Variants in GRIK4 observed in about 807,000 individuals in gnomAD.
GRIK4 encodes glutamate receptor ionotropic, kainate 4.
GRIK4 carries 40 observed loss-of-function variants against 104.9 expected under a neutral mutation model. The ratio of observed to expected loss-of-function variants is 0.38; its 90% CI spans 0.30 to 0.50. GRIK4 has a LOEUF of 0.50. Ranked by LOEUF, GRIK4 falls within the 20% of genes least tolerant of loss-of-function variation. GRIK4 has a pLI of 0.93. For synonymous variants in GRIK4, 485 were observed against 524.9 expected, an observed-to-expected ratio of 0.92 and a Z score of 1.04; for missense variants, 1,047 against 1,308.1, an observed-to-expected ratio of 0.80 and a Z score of 3.08.
chr11:120,698,261 A>G (rs963653473), intron 3 of GRIK4, among the ~76,000 whole-genome samples: 3 of 152,254 alleles, frequency 2.0e-5, no homozygotes, highest in Non-Finnish European at 2.9e-5. Flanking sequence ...ATTAATTTCA[A>G]TGTTTAAATC....
chr11:120,907,930 A>G (rs1592067154), intron 13 of GRIK4, among the ~76,000 whole-genome samples: 1 of 152,270 alleles, frequency 6.6e-6, no homozygotes, highest in East Asian at 1.9e-4. Flanking sequence ...CACCATCCCC[A>G]GGTTTGAAGG....
chr11:120,678,461 T>C (rs1565290125), intron 3 of GRIK4, among the ~76,000 whole-genome samples: 1 of 152,132 alleles, frequency 6.6e-6, no homozygotes, highest in Non-Finnish European at 1.5e-5. Context: ...TGATTACTTA[T>C]GCGGCTAATA....
At chr11:120,866,281 C>T (rs1954407033) in intron 9 of GRIK4, among the ~76,000 whole-genome samples, 1 of 152,214 alleles carries the variant, frequency 6.6e-6, no homozygotes, top group Non-Finnish European at 1.5e-5. Flanking sequence ...ATGTTACTCT[C>T]ATGGAAGCGG....
chr11:120,554,571 T>C lies in GRIK4; in HGVS notation c.-159+42684T>C, dbSNP rs182528196. ...TTTTTTTCTTTTTCTTTTTCTTTTT[T>C]TTTTTGAGACAGGAGCTCGCCCTGT... On this transcript the variant is annotated intron_variant, in intron 1 of 20. Transcript: ENST00000527524. 5.0e-3 allele frequency among the ~76,000 whole-genome samples: 763 copies of C among 152,056 alleles called. 3 individuals carry two copies. The highest frequency in any genetic ancestry group is 7.4e-3 in the Non-Finnish European group (505 of 67,944).
intron 1 of GRIK4, among the ~76,000 whole-genome samples, chr11:120,613,899 CT>C (rs1690482923): frequency 6.6e-6 from 1 of 152,208 alleles, no homozygotes; most frequent in Non-Finnish European, 1.5e-5. Flanking sequence ...GCCAGCCCTA[CT>C]ATAGCCTAGA....
At chr11:120,878,706 A>G in intron 11 of GRIK4, among the ~76,000 whole-genome samples, 1 of 148,334 alleles carries the variant, frequency 6.7e-6, no homozygotes, top group Non-Finnish European at 1.5e-5. Flanking sequence ...ACTGTGCGTG[A>G]TGTATCAGGG....
In GRIK4 at chr11:120,511,836, G is replaced by T; in HGVS notation, c.-210G>T. 8.5e-6 allele frequency: 3 copies of T among 352,462 alleles called. 1 individual carries two copies. Among genetic ancestry groups the T allele is most frequent in the South Asian group, 5.7e-5 (3 of 52,758 alleles). The allele number at this position is 352,462 out of a possible 1,614,324, so 21.8% of individuals were successfully genotyped here. A position where few individuals can be genotyped will look rare whatever the true frequency, so the allele number is the denominator to read the frequency against. On this transcript the variant is annotated 5_prime_UTR_variant, in exon 1 of 21. Coordinates refer to ENST00000527524, the MANE Select transcript of GRIK4 (RefSeq NM_014619.5). ...ACGGCCAACAGCAGCCCCGCGGCCG[G>T]CCCGGCAGCGCCCGGCCCCCGGCTC...
At chr11:120,778,946 C>T (rs1952095353) in intron 3 of GRIK4, among the ~76,000 whole-genome samples, 1 of 152,198 alleles carries the variant, frequency 6.6e-6, no homozygotes, top group Admixed American at 6.5e-5. Flanking sequence ...TTCTCAGACT[C>T]ACGGCGGGGC....
chr11:120,764,923 G>A (rs373461716), intron 3 of GRIK4, among the ~76,000 whole-genome samples: 3 of 152,076 alleles, frequency 2.0e-5, no homozygotes, highest in South Asian at 2.1e-4. Context: ...TAAATCTGAC[G>A]ATTATGTGTC....
chr11:120,635,916 C>A (rs1949391337), intron 1 of GRIK4, among the ~76,000 whole-genome samples: 1 of 152,204 alleles, frequency 6.6e-6, no homozygotes, highest in Non-Finnish European at 1.5e-5. Flanking sequence ...ACTAGTTGCT[C>A]CTCTCAGACC....
At chr11:120,539,802 G>A (rs184850469) in intron 1 of GRIK4, among the ~76,000 whole-genome samples, 17 of 152,306 alleles carry the variant, frequency 1.1e-4, no homozygotes, top group Non-Finnish European at 2.4e-4. Flanking sequence ...TGGCTTAATG[G>A]AGCTCCTGGA....
intron 1 of GRIK4, among the ~76,000 whole-genome samples, chr11:120,521,785 T>A (rs1294864296): frequency 6.6e-6 from 1 of 152,206 alleles, no homozygotes. Context: ...AATCCTAGAA[T>A]CTTATTCTTG....
intron 3 of GRIK4, among the ~76,000 whole-genome samples, chr11:120,732,316 G>A (rs1051024910): frequency 2.0e-5 from 3 of 152,038 alleles, no homozygotes; most frequent in African/African-American, 7.2e-5. Flanking sequence ...ATATTTTTTA[G>A]TAGAGACGGG....
rs868069404 is a variant in GRIK4 at position 120,787,165 on chromosome 11, C to A, written c.83-15528C>A. On this transcript the variant is annotated intron_variant, in intron 3 of 20. Coordinates refer to ENST00000527524, the MANE Select transcript of GRIK4 (RefSeq NM_014619.5). ...GGACTCTTTTTTTTTTTAACAACAACAAAAAAAATACGAAAATTAGCCAGT... is the reference window on the plus strand; with the variant it reads ...GGACTCTTTTTTTTTTTAACAACAAAAAAAAAAATACGAAAATTAGCCAGT... 3.3e-5 allele frequency among the ~76,000 whole-genome samples: 5 copies of A among 149,710 alleles called. No individual in the cohort carries two copies. The South Asian group carries it at 6.4e-4, about 19-fold the overall frequency.
intron 3 of GRIK4, among the ~76,000 whole-genome samples, chr11:120,712,498 T>C (rs1461942198): frequency 6.6e-6 from 1 of 152,108 alleles, no homozygotes; most frequent in African/African-American, 2.4e-5. Context: ...CTTCTAAATT[T>C]ATCCTCTGAC....
Position 120,815,584 on chromosome 11 carries a change from G to A in GRIK4, c.345+109G>A, listed in dbSNP as rs1353369267. 6 of 615,208 alleles carry A rather than the reference G, an allele frequency of 9.8e-6. No individual in the cohort carries two copies. The East Asian group carries it at 1.9e-4, about 20-fold the overall frequency. The allele number at this position is 615,208 out of a possible 1,614,324, so 38.1% of individuals were successfully genotyped here. Reference sequence around the variant, plus strand: ...GGAAGAGCCTGTCAAGGCTGGGTTGGTATCATTAATAACAACAACATAAAT... The same window carrying A: ...GGAAGAGCCTGTCAAGGCTGGGTTGATATCATTAATAACAACAACATAAAT... On this transcript the variant is annotated intron_variant, in intron 5 of 20. Coordinates refer to ENST00000527524, the MANE Select transcript of GRIK4 (RefSeq NM_014619.5).
chr11:120,598,215 G>A (rs972380563), intron 1 of GRIK4, among the ~76,000 whole-genome samples: 4 of 152,164 alleles, frequency 2.6e-5, no homozygotes, highest in African/African-American at 9.7e-5. Flanking sequence ...CCCTTGCTGT[G>A]CATCCGACTT....
intron 13 of GRIK4, among the ~76,000 whole-genome samples, chr11:120,909,043 A>G (rs926558585): frequency 3.5e-4 from 53 of 152,362 alleles, no homozygotes; most frequent in African/African-American, 1.2e-3. Context: ...GACAGGGTGC[A>G]AGGAGTGAGG....
intron 1 of GRIK4, among the ~76,000 whole-genome samples, chr11:120,522,966 C>T (rs1591672249): frequency 6.6e-6 from 1 of 151,946 alleles, no homozygotes; most frequent in South Asian, 2.1e-4. Flanking sequence ...TGGGCCCTTA[C>T]AAAATGTGTG....
Sources: allele counts gnomAD v4.1 joint callset (sites outside exome capture counted in the v4.1 genomes callset), GRCh38; gene constraint gnomAD v4.1.1; transcripts MANE v1.5; gene names NCBI Gene and HGNC (gene_info 2026-07-23, HGNC 2026-07-21).